Variants in DAGLA observed in about 807,000 individuals in gnomAD.
DAGLA encodes diacylglycerol lipase alpha, also known as diacylglycerol lipase-alpha.
DAGLA carries 22 observed loss-of-function variants against 102.6 expected under a neutral mutation model. The ratio of observed to expected loss-of-function variants is 0.21; its 90% CI spans 0.15 to 0.31. The LOEUF (loss-of-function observed/expected upper bound fraction) is 0.31. DAGLA is among the 10% of genes least tolerant of loss of function. The pLI is 1.00. For synonymous variants in DAGLA, 578 were observed against 628.9 expected (o/e 0.92, Z 1.21); for missense variants, 927 against 1,446.6 (o/e 0.64, Z 5.83).
At chr11:61,729,292 T>G (rs2065355841) in intron 8 of DAGLA, among the ~76,000 whole-genome samples, 1 of 152,272 alleles carries the variant, frequency 6.6e-6, no homozygotes, top group East Asian at 1.9e-4. Context: ...CAGGGTGAGC[T>G]GCTAGCATTT....
At chr11:61,739,979 C>T (rs2065463319) in intron 17 of DAGLA, among the ~76,000 whole-genome samples, 1 of 152,080 alleles carries the variant, frequency 6.6e-6, no homozygotes, top group African/African-American at 2.4e-5. Flanking sequence ...GGGCTCACCC[C>T]TCAGGCCCTG....
intron 5 of DAGLA, among the ~76,000 whole-genome samples, chr11:61,725,089 A>T (rs1442379274): frequency 2.6e-5 from 4 of 152,040 alleles, no homozygotes; most frequent in Non-Finnish European, 2.9e-5. Context: ...TATGAGGGCC[A>T]CCCTTGCCTT....
intron 1 of DAGLA, among the ~76,000 whole-genome samples, chr11:61,700,001 C>T (rs898403053): frequency 3.3e-5 from 5 of 152,228 alleles, no homozygotes; most frequent in African/African-American, 1.2e-4. Context: ...ACACTGCCTG[C>T]GAATGCCACA....
chr11:61,726,718 C>T (rs1167374623), intron 6 of DAGLA, among the ~76,000 whole-genome samples: 1 of 152,216 alleles, frequency 6.6e-6, no homozygotes, highest in East Asian at 1.9e-4. Flanking sequence ...ACTTGCTCAG[C>T]GTCCCACAGC....
chr11:61,711,058 A>C (rs533292), intron 1 of DAGLA, among the ~76,000 whole-genome samples: 119,890 of 152,136 alleles, frequency 0.79, 50,198 homozygotes, highest in East Asian at 0.98. Flanking sequence ...CTCCAAGTCG[A>C]TGCCTTTGAG....
chr11:61,707,536 G>A lies in DAGLA; in HGVS notation c.-44-12576G>A, dbSNP rs755866860. 1.5e-4 allele frequency among the ~76,000 whole-genome samples: 23 copies of A among 152,238 alleles called. 1 individual carries two copies. The highest frequency in any genetic ancestry group is 2.8e-4 in the Non-Finnish European group (19 of 68,044). ...GCAGATGGAGGCCAGGGTCTTCTTGGGAACTACAGTGTAATGGAGGAGGTG... is the reference window on the plus strand; with the variant it reads ...GCAGATGGAGGCCAGGGTCTTCTTGAGAACTACAGTGTAATGGAGGAGGTG... On this transcript the variant is annotated intron_variant, in intron 1 of 19. Coordinates refer to ENST00000257215, the MANE Select transcript of DAGLA (RefSeq NM_006133.3).
intron 1 of DAGLA, 80 bp downstream of exon 1, chr11:61,680,584 A>G (rs2064932979): frequency 6.7e-6 from 1 of 149,510 alleles, no homozygotes; most frequent in African/African-American, 2.4e-5. Flanking sequence ...GGCAGTGTCC[A>G]GGGCGCGCGG....
intron 8 of DAGLA, among the ~76,000 whole-genome samples, chr11:61,730,237 C>A (rs552456473): frequency 1.3e-5 from 2 of 152,094 alleles, no homozygotes; most frequent in South Asian, 2.1e-4. Context: ...CTGTTCTCAC[C>A]ACCTTCTCCC....
At chr11:61,741,974 T>G (rs995777755) in intron 19 of DAGLA, among the ~76,000 whole-genome samples, 6 of 152,202 alleles carry the variant, frequency 3.9e-5, no homozygotes, top group African/African-American at 1.4e-4. Flanking sequence ...CTTACATATT[T>G]GTATTGAAGC....
At chr11:61,735,494 CT>C in intron 10 of DAGLA, 66 bp from the exon 11 acceptor site, 16 of 1,432,816 alleles carry the variant, frequency 1.1e-5, no homozygotes, top group Non-Finnish European at 1.5e-5. Flanking sequence ...GGAGACCTGC[CT>C]AGGTCACTTT....
chr11:61,709,333 C>T (rs2065175087), intron 1 of DAGLA, among the ~76,000 whole-genome samples: 1 of 152,164 alleles, frequency 6.6e-6, no homozygotes, highest in South Asian at 2.1e-4. Flanking sequence ...CAACCTCCAC[C>T]TCCCGGTTCA....
At chr11:61,704,590 G>A (rs2065134883) in intron 1 of DAGLA, among the ~76,000 whole-genome samples, 1 of 152,126 alleles carries the variant, frequency 6.6e-6, no homozygotes, top group Admixed American at 6.6e-5. Flanking sequence ...GTGAGGGGTG[G>A]GGAAGAGAAT....
rs1395363042 is a variant in DAGLA at position 61,734,367 on chromosome 11, T to A, written c.975-482T>A. Among the ~76,000 whole-genome samples the A allele has an allele frequency of 6.6e-6, 1 of 151,620 alleles. No individual in the cohort carries two copies. The highest frequency in any genetic ancestry group is 6.6e-5 in the Admixed American group (1 of 15,234). On this transcript the variant is annotated intron_variant, in intron 9 of 19. Transcript: ENST00000257215. This position sits in a 1 kb window ranked among gnomAD's most constrained non-coding sequence, Gnocchi z 4.2. ...GGGGTACACAAGCAGGGAAGGGGTT[T>A]GAGAGCTGGCAGGGTGTCAGGTGTC... is the stretch of plus-strand genomic sequence containing the variant.
intron 1 of DAGLA, among the ~76,000 whole-genome samples, chr11:61,698,311 T>C (rs2065082344): frequency 1.3e-5 from 2 of 152,220 alleles, no homozygotes; most frequent in Admixed American, 1.3e-4. Flanking sequence ...GCGGCCCAGC[T>C]CTCTGCAAGT....
chr11:61,725,973 T>A, intron 5 of DAGLA, 22 bp from the exon 6 acceptor site: 2 of 1,610,738 alleles, frequency 1.2e-6, no homozygotes, highest in South Asian at 1.1e-5. Flanking sequence ...ACCTCACACA[T>A]ACCGCCTCTC....
At chr11:61,742,507 C>T (rs377589115) in intron 19 of DAGLA, among the ~76,000 whole-genome samples, 8 of 152,298 alleles carry the variant, frequency 5.3e-5, no homozygotes, top group East Asian at 1.9e-4. Context: ...TTTCCGGCTG[C>T]GGTGACTGCT....
intron 1 of DAGLA, among the ~76,000 whole-genome samples, chr11:61,709,067 G>A (rs2065173472): frequency 6.6e-6 from 1 of 152,204 alleles, no homozygotes; most frequent in African/African-American, 2.4e-5. Context: ...CAGGCGAGGG[G>A]AGGAAATGCT....
At chr11:61,714,867 C>G (rs972910732) in intron 1 of DAGLA, among the ~76,000 whole-genome samples, 2 of 152,146 alleles carry the variant, frequency 1.3e-5, no homozygotes, top group African/African-American at 2.4e-5. Flanking sequence ...TCTTGATCCT[C>G]GGATGGTGTC....
At chr11:61,737,870 A>AC (rs1263145245) in intron 15 of DAGLA, 115 bp downstream of exon 15, 1 of 936,074 alleles carries the variant, frequency 1.1e-6, no homozygotes, top group African/African-American at 1.7e-5. Context: ...CTCTCAAGGG[A>AC]CCCCACGCCC....
Sources: allele counts gnomAD v4.1 joint callset (sites outside exome capture counted in the v4.1 genomes callset), GRCh38; gene constraint gnomAD v4.1.1; non-coding constraint Gnocchi (gnomAD v3.1); transcripts MANE v1.5; gene names NCBI Gene and HGNC (gene_info 2026-07-23, HGNC 2026-07-21).